The following GRID2 variants were observed in gnomAD, a reference collection of about 807,000 sequenced individuals.
GRID2 encodes the protein glutamate ionotropic receptor delta type subunit 2.
In GRID2, 33 loss-of-function variants were observed where a neutral mutation model predicts 114.8. The observed-to-expected ratio is 0.29, with a 90% CI of 0.22 to 0.38. The LOEUF (loss-of-function observed/expected upper bound fraction) is 0.38, where lower values mean the gene tolerates loss of function less well. Among genes scored for constraint, GRID2 ranks in the 10% least tolerant of loss-of-function variants. The pLI is 1.00. For missense variants in GRID2, 1,184 were observed against 1,257.7 expected (o/e 0.94, Z 0.89); for synonymous variants, 505 against 449.9 (o/e 1.12, Z -1.55).
Position 93,580,089 on chromosome 4 carries a change from T to G in GRID2, c.2194-46180T>G, listed in dbSNP as rs374398569. The stretch of plus-strand genomic sequence containing the variant: ...TAGAAGGCACATAACAGATGTACAA[T>G]TAATATAAAAAAGAATGAGTGCCAG... On this transcript the variant is annotated intron_variant, in intron 13 of 15. Transcript: ENST00000282020. 2.6e-5 allele frequency among the ~76,000 whole-genome samples: 4 copies of G among 152,344 alleles called. No individual in the cohort carries two copies. In the East Asian group the frequency reaches 7.7e-4, roughly 29 times the overall value.
In GRID2 at chr4:93,772,120, T is replaced by A; in HGVS notation, c.2646T>A (p.Asn882Lys). Reference protein sequence around the residue: ...IDLEHLHRRVNSLCTDDDSPH... With the variant: ...IDLEHLHRRVKSLCTDDDSPH... ...TGGAGCACCTCCATAGACGTGTAAA[T>A]AGCTTGTGCACAGATGACGACAGCC... The change falls in exon 16 of 16, where the codon AAT becomes AAA. Residue 882 changes from asparagine (N) to lysine (K), a missense_variant. Asn to Lys is a moderately conservative substitution (Grantham distance 94). This residue lies in a region of GRID2 where 717 missense variants were observed against 796.9 expected (regional missense o/e 0.90). Transcript: ENST00000282020. The A allele has an allele frequency of 6.2e-7, 1 of 1,612,616 alleles. No individual in the cohort carries two copies. Among genetic ancestry groups the A allele is most frequent in the African/African-American group, 1.3e-5 (1 of 74,878 alleles).
intron 4 of GRID2, among the ~76,000 whole-genome samples, chr4:93,141,904 C>G (rs1735802463): frequency 6.6e-6 from 1 of 152,162 alleles, no homozygotes; most frequent in Non-Finnish European, 1.5e-5. Context: ...GGGATTTGGA[C>G]AGTTGGAAAA....
chr4:93,211,915 G>T (rs149187022), intron 5 of GRID2, among the ~76,000 whole-genome samples: 1 of 151,884 alleles, frequency 6.6e-6, no homozygotes. Context: ...CCATTCACCC[G>T]CATACTTATT....
chr4:92,864,793 A>G (rs1057167240), intron 2 of GRID2, among the ~76,000 whole-genome samples: 2 of 152,192 alleles, frequency 1.3e-5, no homozygotes, highest in African/African-American at 4.8e-5. Flanking sequence ...TAATGGTAGT[A>G]CCTGGATAAA....
intron 9 of GRID2, among the ~76,000 whole-genome samples, chr4:93,416,067 C>G (rs931102067): frequency 5.3e-5 from 8 of 151,870 alleles, no homozygotes; most frequent in Non-Finnish European, 1.2e-4. Context: ...TTGCATATCC[C>G]GATGATCTGC....
intron 2 of GRID2, among the ~76,000 whole-genome samples, chr4:92,803,533 G>A (rs1239747129): frequency 2.0e-5 from 3 of 151,990 alleles, no homozygotes; most frequent in African/African-American, 7.2e-5. Context: ...ATAAAAAAAT[G>A]TATTTCTAGA....
intron 2 of GRID2, among the ~76,000 whole-genome samples, chr4:92,946,914 A>G (rs1301779783): frequency 2.6e-5 from 4 of 152,048 alleles, no homozygotes; most frequent in African/African-American, 9.7e-5. Context: ...GTAGTATTAG[A>G]ACCATTGCCT....
chr4:92,930,065 T>A (rs1459466394), intron 2 of GRID2, among the ~76,000 whole-genome samples: 1 of 151,298 alleles, frequency 6.6e-6, no homozygotes, highest in African/African-American at 2.4e-5. Context: ...AAAATATGTA[T>A]TGAAGAACAG....
At chr4:93,432,841 C>T (rs796667443) in intron 10 of GRID2, among the ~76,000 whole-genome samples, 30 of 152,164 alleles carry the variant, frequency 2.0e-4, no homozygotes, top group African/African-American at 7.2e-4. Context: ...ATGGGAGGAT[C>T]CCTTGAGGCC....
chr4:92,434,316 G>A (rs1732624818), intron 1 of GRID2, among the ~76,000 whole-genome samples: 1 of 152,170 alleles, frequency 6.6e-6, no homozygotes, highest in Non-Finnish European at 1.5e-5. Context: ...TGTAACAGAG[G>A]CATTTCCTCA....
At chr4:92,482,662 G>A (rs1322835786) in intron 1 of GRID2, among the ~76,000 whole-genome samples, 1 of 151,936 alleles carries the variant, frequency 6.6e-6, no homozygotes, top group Admixed American at 6.6e-5. Context: ...TGTTAATTTG[G>A]TCTTATCAAA....
At chr4:93,448,110 G>T (rs527896123) in intron 10 of GRID2, among the ~76,000 whole-genome samples, 1 of 151,900 alleles carries the variant, frequency 6.6e-6, no homozygotes, top group East Asian at 1.9e-4. Context: ...AAATCATCAT[G>T]TGTTCTAAAA....
chr4:92,537,154 CT>C (rs1725676665), intron 1 of GRID2, among the ~76,000 whole-genome samples: 1 of 152,078 alleles, frequency 6.6e-6, no homozygotes. Context: ...TATTTTACAA[CT>C]TTTTTCTTGA....
chr4:93,082,656 G>A (rs892401401), intron 2 of GRID2, among the ~76,000 whole-genome samples: 2 of 152,078 alleles, frequency 1.3e-5, no homozygotes, highest in Non-Finnish European at 2.9e-5. Context: ...TATCTTTTAG[G>A]CCTGACATTA....
intron 2 of GRID2, among the ~76,000 whole-genome samples, chr4:92,632,089 C>CA (rs1730833827): frequency 1.3e-5 from 2 of 152,204 alleles, no homozygotes; most frequent in South Asian, 4.1e-4. Flanking sequence ...TCAAACACTT[C>CA]ATGTATTCAC....
intron 1 of GRID2, among the ~76,000 whole-genome samples, chr4:92,445,780 G>A (rs1321145646): frequency 2.6e-5 from 4 of 152,288 alleles, no homozygotes; most frequent in South Asian, 2.1e-4. Context: ...TTTATTTATT[G>A]AATAATCTTA....
At chr4:93,467,249 C>A (rs886618675) in intron 11 of GRID2, among the ~76,000 whole-genome samples, 11 of 136,018 alleles carry the variant, frequency 8.1e-5, no homozygotes, top group African/African-American at 3.1e-4. Flanking sequence ...TATAAACAAT[C>A]TGAAAATAAT....
intron 5 of GRID2, among the ~76,000 whole-genome samples, chr4:93,216,377 A>G (rs1230686303): frequency 1.3e-5 from 2 of 152,098 alleles, no homozygotes; most frequent in African/African-American, 2.4e-5. Context: ...GTATTAATTA[A>G]TAATAAACTA....
chr4:92,314,466 T>C (rs1055149081), intron 1 of GRID2, among the ~76,000 whole-genome samples: 2 of 152,114 alleles, frequency 1.3e-5, no homozygotes, highest in African/African-American at 4.8e-5. Flanking sequence ...AACATCACTT[T>C]GGAAACATTT....
Sources: allele counts gnomAD v4.1 joint callset (sites outside exome capture counted in the v4.1 genomes callset), GRCh38; gene constraint gnomAD v4.1.1; regional missense constraint gnomAD v4.1.1; transcripts MANE v1.5; gene names NCBI Gene and HGNC (gene_info 2026-07-23, HGNC 2026-07-21).